ST6GAL2: variants seen among roughly 807,000 people sequenced by gnomAD.
ST6GAL2 encodes beta-galactoside alpha-2,6-sialyltransferase 2.
A neutral mutation model predicts 37.5 loss-of-function variants in ST6GAL2; 24 were observed. That is an observed-to-expected ratio of 0.64 (90% confidence interval 0.46 to 0.90). The LOEUF (loss-of-function observed/expected upper bound fraction) is 0.90, where lower values mean the gene tolerates loss of function less well. ST6GAL2 is among the 40% of genes least tolerant of loss of function. The pLI is 0.00. For missense variants in ST6GAL2, 715 were observed against 712.7 expected, an observed-to-expected ratio of 1.00 and a Z score of -0.04; for synonymous variants, 306 against 295.1, an observed-to-expected ratio of 1.04 and a Z score of -0.38.
rs1313172724 is a variant in ST6GAL2, at chr2:106,843,363, G to A, written c.615C>T (p.Tyr205=). 1 of 1,614,138 alleles carries A rather than the reference G, an allele frequency of 6.2e-7. No individual in the cohort carries two copies. Among genetic ancestry groups the A allele is most frequent in the Non-Finnish European group, 8.5e-7 (1 of 1,180,020 alleles). Residue 205 remains tyrosine, a synonymous_variant, in exon 2 of 6, where the codon TAC becomes TAT. Coordinates refer to ENST00000409382, the MANE Select transcript of ST6GAL2 (RefSeq NM_001142351.2). ...LYSSMSRAFL[Y]RLWKGNVSSK... The stretch of plus-strand genomic sequence containing the variant: ...AAGAGACGTTCCCCTTCCAGAGCCG[G>A]TACAGGAAGGCCCTGGACATGGAGG...
chr2:106,854,480 C>G (rs7591237), intron 1 of ST6GAL2, among the ~76,000 whole-genome samples: 133,423 of 152,282 alleles, frequency 0.88, 58,587 homozygotes, highest in East Asian at 0.98. Context: ...GGATTTCACT[C>G]TATATTAGTG....
At chr2:106,851,156 T>C (rs1048968248) in intron 1 of ST6GAL2, among the ~76,000 whole-genome samples, 2 of 152,250 alleles carry the variant, frequency 1.3e-5, no homozygotes, top group African/African-American at 4.8e-5. Context: ...TCCCAGTGGA[T>C]GTTCTCTGCC....
At chr2:106,841,675 C>A (rs1206196772) in intron 2 of ST6GAL2, among the ~76,000 whole-genome samples, 1 of 152,060 alleles carries the variant, frequency 6.6e-6, no homozygotes, top group Non-Finnish European at 1.5e-5. Flanking sequence ...GTATCTCTGG[C>A]AAGACAGGGT....
intron 1 of ST6GAL2, among the ~76,000 whole-genome samples, chr2:106,851,075 A>G (rs1677341055): frequency 6.6e-6 from 1 of 152,078 alleles, no homozygotes; most frequent in Admixed American, 6.5e-5. Flanking sequence ...CTCATACTGG[A>G]TTGGGTGTGA....
At chr2:106,880,755 G>A (rs1482341245) in intron 1 of ST6GAL2, among the ~76,000 whole-genome samples, 1 of 129,532 alleles carries the variant, frequency 7.7e-6, no homozygotes, top group Non-Finnish European at 1.7e-5. Flanking sequence ...TCAGTTGGAA[G>A]GGCTAGGCTC....
At chr2:106,836,773 CAAAAAAAAAA>C (rs70956213) in intron 2 of ST6GAL2, among the ~76,000 whole-genome samples, 6 of 70,262 alleles carry the variant, frequency 8.5e-5, no homozygotes, top group Non-Finnish European at 1.3e-4. Flanking sequence ...ACTAAAAATA[CAAAAAAAAAA>C]AAAAAAAAAA....
At position 106,843,294 on chromosome 2, in the gene ST6GAL2, G is replaced by A; in HGVS notation, c.684C>T (p.Tyr228=). The change falls in exon 2 of 6, where the codon TAC becomes TAT. Residue 228 remains tyrosine (Y), a synonymous_variant. Coordinates refer to ENST00000409382, the MANE Select transcript of ST6GAL2 (RefSeq NM_001142351.2). ...GCACCCCGTGCTTGTTGGCGGTCAG[G>A]TAATCCTTCATCGCCTTCTGCAGGC... ...NPRLQKAMKD[Y]LTANKHGVRF... 1 of 1,612,812 alleles carries A rather than the reference G, an allele frequency of 6.2e-7. No homozygotes were observed. The highest frequency in any genetic ancestry group is 8.5e-7 in the Non-Finnish European group (1 of 1,179,496).
At chr2:106,856,996 T>C (rs1677600359) in intron 1 of ST6GAL2, among the ~76,000 whole-genome samples, 1 of 152,212 alleles carries the variant, frequency 6.6e-6, no homozygotes, top group Non-Finnish European at 1.5e-5. Context: ...AAAATCACCT[T>C]GGCAGATGCA....
intron 1 of ST6GAL2, among the ~76,000 whole-genome samples, chr2:106,871,780 T>C (rs533942128): frequency 6.6e-6 from 1 of 152,320 alleles, no homozygotes; most frequent in African/African-American, 2.4e-5. Flanking sequence ...CCATCACCTA[T>C]GAAAGCAACG....
Position 106,834,080 on chromosome 2 carries a change from T to G in ST6GAL2, c.1010A>C (p.Asn337Thr). 1.2e-6 allele frequency: 2 copies of G among 1,613,794 alleles called. No individual in the cohort carries two copies. Among genetic ancestry groups the G allele is most frequent in the Non-Finnish European group, 1.7e-6 (2 of 1,179,756 alleles). ...PTRGYEKDVG[N>T]KTTIRIINSQ... ...ATTAATGATGCGTATGGTGGTTTTA[T>G]TCCCAACATCTTTCTCATAACCACG... Residue 337 changes from asparagine (N) to threonine (T), a missense_variant, in exon 3 of 6, where the codon AAT becomes ACT. By Grantham distance (65) the Asn-to-Thr change is moderately conservative (BLOSUM62 0). This residue lies in a region of ST6GAL2 where 512 missense variants were observed against 488.8 expected (regional missense o/e 1.05). Transcript: ENST00000409382.
At chr2:106,886,643 C>T (rs1200980163), upstream of ST6GAL2, 1 of 151,876 alleles carries the variant, frequency 6.6e-6, no homozygotes, top group Non-Finnish European at 1.5e-5. Context: ...CGCACCGAGG[C>T]TGCGCCGCGC....
intron 1 of ST6GAL2, among the ~76,000 whole-genome samples, chr2:106,867,492 C>T (rs752050322): frequency 2.6e-5 from 4 of 152,146 alleles, no homozygotes; most frequent in Admixed American, 6.5e-5. Flanking sequence ...CTCTGTTACC[C>T]GGTGGTGCAT....
chr2:106,813,062 C>A, intron 5 of ST6GAL2: 2 of 1,226,144 alleles, frequency 1.6e-6, no homozygotes, highest in Admixed American at 4.3e-5. Flanking sequence ...GGTATGGGGC[C>A]AGCTGTTTTG....
intron 1 of ST6GAL2, among the ~76,000 whole-genome samples, chr2:106,874,790 G>A (rs964831081): frequency 1.3e-5 from 2 of 152,180 alleles, no homozygotes; most frequent in East Asian, 1.9e-4. Flanking sequence ...AGCACATGAA[G>A]CATAAACACA....
chr2:106,832,420 C>T (rs770301584), intron 4 of ST6GAL2, 145 bp downstream of exon 4: 20 of 536,690 alleles, frequency 3.7e-5, no homozygotes, highest in African/African-American at 2.2e-4. Flanking sequence ...TGGGTATCAA[C>T]GTGGTGTTCA....
chr2:106,809,618 A>G (rs1257494678), intron 5 of ST6GAL2, among the ~76,000 whole-genome samples: 1 of 152,196 alleles, frequency 6.6e-6, no homozygotes, highest in Non-Finnish European at 1.5e-5. Flanking sequence ...CAGCTTGATC[A>G]AATGCAGGTT....
upstream of ST6GAL2, chr2:106,887,145 C>T (rs1453367655): frequency 6.6e-6 from 1 of 152,428 alleles, no homozygotes; most frequent in African/African-American, 2.4e-5. Context: ...CCTCCCCCCG[C>T]CAGCGCGGAA....
At chr2:106,819,667 G>C (rs1400782478) in intron 5 of ST6GAL2, among the ~76,000 whole-genome samples, 1 of 151,636 alleles carries the variant, frequency 6.6e-6, no homozygotes, top group Admixed American at 6.6e-5. Context: ...GAAATCTGAA[G>C]GTACAAAAGG....
intron 1 of ST6GAL2, among the ~76,000 whole-genome samples, chr2:106,868,419 G>A (rs10779911): frequency 2.0e-5 from 3 of 151,972 alleles, no homozygotes; most frequent in African/African-American, 7.3e-5. Flanking sequence ...TTCATGCACC[G>A]CGCATCTCAG....
Sources: allele counts gnomAD v4.1 joint callset (sites outside exome capture counted in the v4.1 genomes callset), GRCh38; gene constraint gnomAD v4.1.1; regional missense constraint gnomAD v4.1.1; transcripts MANE v1.5; gene names NCBI Gene and HGNC (gene_info 2026-07-23, HGNC 2026-07-21).